Variants in TCEA3 observed in about 807,000 individuals in gnomAD.
TCEA3 encodes transcription elongation factor A3.
A neutral mutation model predicts 44.0 loss-of-function variants in TCEA3; 36 were observed. The ratio of observed to expected loss-of-function variants is 0.82; its 90% CI spans 0.63 to 1.08. The LOEUF (loss-of-function observed/expected upper bound fraction) is 1.08, where lower values mean the gene tolerates loss of function less well. Ranked by LOEUF, TCEA3 falls within the 50% of genes least tolerant of loss-of-function variation. The pLI is 0.00. For synonymous variants in TCEA3, 162 were observed against 159.7 expected (o/e 1.01, Z -0.11); for missense variants, 392 against 441.2 (o/e 0.89, Z 1.00).
In TCEA3 at chr1:23,381,202, A is replaced by AG. The variant is rs1638664578; in HGVS notation, c.*263_*264insC. ...AGTTTGCAGATTACAGCCATAAACCACCGTGCCCAGCCCTCTGCAGTTTCT... is the reference window on the plus strand; with the variant it reads ...AGTTTGCAGATTACAGCCATAAACCAGCCGTGCCCAGCCCTCTGCAGTTTCT... On this transcript the variant is annotated 3_prime_UTR_variant, in exon 11 of 11. Coordinates refer to ENST00000450454, the MANE Select transcript of TCEA3 (RefSeq NM_003196.3). 6.2e-6 allele frequency: 3 copies of AG among 487,338 alleles called. No individual in the cohort carries two copies. The highest frequency in any genetic ancestry group is 5.9e-5 in the African/African-American group (3 of 50,756). The allele number at this position is 487,338 out of a possible 1,614,324, so 30.2% of individuals were successfully genotyped here.
intron 7 of TCEA3, among the ~76,000 whole-genome samples, chr1:23,395,826 T>A (rs1326563123): frequency 5.3e-5 from 6 of 113,878 alleles, no homozygotes; most frequent in Non-Finnish European, 5.1e-5. Flanking sequence ...AGATTCCATC[T>A]CAAAAAAAAA....
At chr1:23,397,503 G>A in intron 7 of TCEA3, 42 bp downstream of exon 7, 1 of 1,589,320 alleles carries the variant, frequency 6.3e-7, no homozygotes, top group East Asian at 2.2e-5. Context: ...GGTGCTGCTA[G>A]ACGGTGCAGA....
At chr1:23,418,605 G>T (rs901526775) in intron 2 of TCEA3, among the ~76,000 whole-genome samples, 2 of 152,156 alleles carry the variant, frequency 1.3e-5, no homozygotes, top group African/African-American at 4.8e-5. Flanking sequence ...AGCCACCGTG[G>T]CCAGCTCACT....
Position 23,393,678 on chromosome 1 carries a change from C to T in TCEA3, c.819+201G>A, listed in dbSNP as rs186713036. 1.6e-3 allele frequency among the ~76,000 whole-genome samples: 246 copies of T among 152,342 alleles called. 7 individuals carry two copies. Among genetic ancestry groups the T allele is most frequent in the Admixed American group, 0.015 (226 of 15,302 alleles). ...ACATAAACTTGGCCAATTCGCTGAACACACTTAGCACAGCACTTAGAACCT... is the reference window on the plus strand; with the variant it reads ...ACATAAACTTGGCCAATTCGCTGAATACACTTAGCACAGCACTTAGAACCT... On this transcript the variant is annotated intron_variant, in intron 8 of 10. Coordinates refer to ENST00000450454, the MANE Select transcript of TCEA3 (RefSeq NM_003196.3).
chr1:23,423,574 TC>T, intron 1 of TCEA3, among the ~76,000 whole-genome samples: 1 of 152,244 alleles, frequency 6.6e-6, no homozygotes. Context: ...CTCCTAAGTG[TC>T]CTGGAAATGC....
At chr1:23,386,395 G>A (rs896825022) in intron 9 of TCEA3, among the ~76,000 whole-genome samples, 1 of 151,898 alleles carries the variant, frequency 6.6e-6, no homozygotes, top group African/African-American at 2.4e-5. Context: ...ACACTACCAA[G>A]CCTGGCTAAT....
intron 8 of TCEA3, among the ~76,000 whole-genome samples, chr1:23,393,271 T>G (rs949926041): frequency 1.3e-5 from 2 of 152,148 alleles, no homozygotes; most frequent in African/African-American, 2.4e-5. Context: ...TGCCCACTGC[T>G]CACCTCCTGT....
At chr1:23,398,849 C>A (rs1008869153) in intron 5 of TCEA3, among the ~76,000 whole-genome samples, 1 of 151,972 alleles carries the variant, frequency 6.6e-6, no homozygotes, top group Non-Finnish European at 1.5e-5. Flanking sequence ...CTCACTACAG[C>A]CTTGACCTCC....
chr1:23,420,604 G>C (rs186188644), intron 1 of TCEA3, among the ~76,000 whole-genome samples: 36 of 152,240 alleles, frequency 2.4e-4, no homozygotes, highest in Non-Finnish European at 3.5e-4. Flanking sequence ...TTCCAGTTTG[G>C]GGCTGCTAGA....
intron 5 of TCEA3, among the ~76,000 whole-genome samples, chr1:23,404,687 G>A (rs1045919079): frequency 2.0e-5 from 3 of 152,122 alleles, no homozygotes; most frequent in Non-Finnish European, 4.4e-5. Flanking sequence ...GGCCAGGCGC[G>A]GTGGCTCACA....
chr1:23,424,443 TCGGGTCCC>T (rs1640158224), intron 1 of TCEA3, 114 bp downstream of exon 1: 7 of 843,304 alleles, frequency 8.3e-6, no homozygotes, highest in Non-Finnish European at 1.3e-5. Flanking sequence ...CGCTCCTCCC[TCGGGTCCC>T]CGAGTCCCGT....
At chr1:23,385,194 C>G (rs1199798737) in intron 9 of TCEA3, among the ~76,000 whole-genome samples, 1 of 152,198 alleles carries the variant, frequency 6.6e-6, no homozygotes, top group Non-Finnish European at 1.5e-5. Context: ...CTAAGGCTGT[C>G]CTTGGCTGGC....
intron 5 of TCEA3, chr1:23,403,917 C>T: frequency 3.6e-6 from 2 of 554,670 alleles, no homozygotes; most frequent in Non-Finnish European, 6.5e-6. Context: ...CAGGCAGCCA[C>T]ACTCATTTTG....
At chr1:23,388,777 C>T (rs1270174643) in intron 8 of TCEA3, among the ~76,000 whole-genome samples, 1 of 151,832 alleles carries the variant, frequency 6.6e-6, no homozygotes, top group Admixed American at 6.6e-5. Flanking sequence ...CCTCCCCAGG[C>T]TCAAACGATT....
At chr1:23,407,765 A>G (rs915228577) in intron 5 of TCEA3, among the ~76,000 whole-genome samples, 2 of 151,756 alleles carry the variant, frequency 1.3e-5, no homozygotes, top group African/African-American at 2.4e-5. Context: ...TCTTTTGTGC[A>G]TGTCTGTATC....
intron 1 of TCEA3, among the ~76,000 whole-genome samples, chr1:23,420,521 G>A (rs1190843927): frequency 6.6e-6 from 1 of 152,204 alleles, no homozygotes; most frequent in Non-Finnish European, 1.5e-5. Flanking sequence ...TGGGATTACA[G>A]GCGTGAGCCA....
chr1:23,401,244 C>T (rs1387515122), intron 5 of TCEA3, among the ~76,000 whole-genome samples: 1 of 152,206 alleles, frequency 6.6e-6, no homozygotes, highest in Non-Finnish European at 1.5e-5. Context: ...TCAAAAGTGC[C>T]TCCATGCATA....
intron 8 of TCEA3, among the ~76,000 whole-genome samples, chr1:23,392,609 TACACAC>T (rs148531277): frequency 9.7e-4 from 30 of 30,916 alleles, no homozygotes; most frequent in African/African-American, 1.6e-3. Context: ...CCACACATCA[TACACAC>T]ACACACACAC....
At position 23,390,678 on chromosome 1, in the gene TCEA3, T is replaced by C. The variant is rs78331855; in HGVS notation, c.819+3201A>G. ...TCTATCCAGCCACACGCCAATTCAT[T>C]GACTTCTCTGCCCTGCCTCATTAGA... On this transcript the variant is annotated intron_variant, in intron 8 of 10. Coordinates refer to ENST00000450454, the MANE Select transcript of TCEA3 (RefSeq NM_003196.3). 5.5e-3 allele frequency among the ~76,000 whole-genome samples: 835 copies of C among 152,218 alleles called. 11 individuals carry two copies. The highest frequency in any genetic ancestry group is 0.019 in the African/African-American group (776 of 41,532).
Sources: allele counts gnomAD v4.1 joint callset (sites outside exome capture counted in the v4.1 genomes callset), GRCh38; gene constraint gnomAD v4.1.1; transcripts MANE v1.5; gene names NCBI Gene and HGNC (gene_info 2026-07-23, HGNC 2026-07-21).